SEZ6L: variants seen among roughly 807,000 people sequenced by gnomAD.
SEZ6L encodes seizure related 6 homolog like, also known as seizure 6-like protein.
In SEZ6L, 37 loss-of-function variants were observed where a neutral mutation model predicts 106.2. The observed-to-expected ratio is 0.35, with a 90% CI of 0.27 to 0.46. SEZ6L has a LOEUF of 0.46. SEZ6L is among the 20% of genes least tolerant of loss of function. The probability of loss-of-function intolerance (pLI) is 1.00; values close to 1 mark genes in which losing one functional copy is unlikely to be tolerated. For missense variants in SEZ6L, 1,172 were observed against 1,332.8 expected (o/e 0.88, Z 1.88); for synonymous variants, 541 against 570.4 (o/e 0.95, Z 0.73).
intron 5 of SEZ6L, 103 bp from the exon 6 acceptor site, chr22:26,305,876 A>C: frequency 8.8e-6 from 11 of 1,246,294 alleles, no homozygotes; most frequent in Non-Finnish European, 1.2e-5. Context: ...GGAGAATGAA[A>C]CACTCACTTC....
At chr22:26,369,357 T>TTTTTTTTTTTTTTTTTTTTAAG in intron 13 of SEZ6L, among the ~76,000 whole-genome samples, 1 of 130,514 alleles carries the variant, frequency 7.7e-6, no homozygotes, top group African/African-American at 2.9e-5. Flanking sequence ...TTTTTTTTTT[T>TTTTTTTTTTTTTTTTTTTTAAG]GAGACAGATT....
At position 26,351,138 on chromosome 22, in the gene SEZ6L, T is replaced by A; in HGVS notation, c.2494T>A (p.Tyr832Asn). The A allele has an allele frequency of 6.2e-7, 1 of 1,614,192 alleles. No homozygotes were observed. ...PVLLVGTTIQ[Y>N]TCNPGFVLEG... is the part of the protein sequence containing the mutation. ...GCTGCTGGTGGGGACCACCATCCAA[T>A]ACACCTGCAACCCCGGTTTTGTGCT... is the stretch of plus-strand genomic sequence containing the variant. The change falls in exon 12 of 17, where the codon TAC becomes AAC. Residue 832 changes from tyrosine (Y) to asparagine (N), a missense_variant. Physicochemically the swap from Tyr to Asn is moderately radical, Grantham distance 143. This residue lies in a region of SEZ6L where 534 missense variants were observed against 691.0 expected (regional missense o/e 0.77). Transcript: ENST00000248933.
At chr22:26,172,104 T>C (rs1028029205) in intron 1 of SEZ6L, among the ~76,000 whole-genome samples, 1 of 152,186 alleles carries the variant, frequency 6.6e-6, no homozygotes, top group South Asian at 2.1e-4. Flanking sequence ...TTGTCTCAGA[T>C]ATGCACATGG....
At chr22:26,243,133 GC>G (rs1326796927) in intron 1 of SEZ6L, among the ~76,000 whole-genome samples, 1 of 152,106 alleles carries the variant, frequency 6.6e-6, no homozygotes, top group Non-Finnish European at 1.5e-5. Context: ...TTGGATCAAG[GC>G]CCACTGTAAT....
chr22:26,353,131 C>T (rs1172737470), intron 12 of SEZ6L, among the ~76,000 whole-genome samples: 1 of 152,190 alleles, frequency 6.6e-6, no homozygotes, highest in African/African-American at 2.4e-5. Context: ...CCCTGTGTCT[C>T]CATCTGTCTT....
At position 26,169,983 on chromosome 22, in the gene SEZ6L, T is replaced by C. The variant is rs142226426; in HGVS notation, c.94+220T>C. 7.0e-3 allele frequency among the ~76,000 whole-genome samples: 1,059 copies of C among 152,226 alleles called. 14 individuals are homozygous for C. Among genetic ancestry groups the C allele is most frequent in the African/African-American group, 0.023 (969 of 41,564 alleles). On this transcript the variant is annotated intron_variant, in intron 1 of 16. Transcript: ENST00000248933. Reference sequence around the variant, plus strand: ...TTGAAGGACTCGGGCGCTTCCCTGCTTCGGCTGCGGGCTCCCTTTCGGTCT... The same window carrying C: ...TTGAAGGACTCGGGCGCTTCCCTGCCTCGGCTGCGGGCTCCCTTTCGGTCT...
chr22:26,312,360 T>C lies in SEZ6L; in HGVS notation c.1876+398T>C, dbSNP rs115271381. On this transcript the variant is annotated intron_variant, in intron 8 of 16. Coordinates refer to ENST00000248933, the MANE Select transcript of SEZ6L (RefSeq NM_021115.5). ...TATGCTACCAGCACTTTGCTAAGAG[T>C]GTGTGTGCATTATCTGATTTCAACC... 6.5e-3 allele frequency among the ~76,000 whole-genome samples: 993 copies of C among 152,218 alleles called. 9 individuals are homozygous for C. Among genetic ancestry groups the C allele is most frequent in the African/African-American group, 0.023 (957 of 41,500 alleles).
At chr22:26,170,359 T>C (rs1454516905) in intron 1 of SEZ6L, among the ~76,000 whole-genome samples, 1 of 152,064 alleles carries the variant, frequency 6.6e-6, no homozygotes. Flanking sequence ...TGGAGGGGGC[T>C]GAGGGCTCTG....
chr22:26,272,741 T>A (rs2080409515), intron 1 of SEZ6L, among the ~76,000 whole-genome samples: 1 of 152,228 alleles, frequency 6.6e-6, no homozygotes, highest in Non-Finnish European at 1.5e-5. Flanking sequence ...ATGAGTGAAT[T>A]CATTTTATTT....
chr22:26,246,968 G>C, intron 1 of SEZ6L, among the ~76,000 whole-genome samples: 1 of 152,024 alleles, frequency 6.6e-6, no homozygotes, highest in East Asian at 1.9e-4. Context: ...TTCTCACAGT[G>C]CTGAGTGCGA....
chr22:26,355,563 C>G (rs2083412914), intron 12 of SEZ6L, among the ~76,000 whole-genome samples: 1 of 152,136 alleles, frequency 6.6e-6, no homozygotes, highest in South Asian at 2.1e-4. Context: ...ACCCCCGTCT[C>G]TACTAAAAAT....
chr22:26,287,390 C>A (rs2080971587), intron 1 of SEZ6L, among the ~76,000 whole-genome samples: 1 of 151,978 alleles, frequency 6.6e-6, no homozygotes, highest in African/African-American at 2.4e-5. Flanking sequence ...AAGTGAACAC[C>A]CAACACTTTG....
At chr22:26,307,318 G>A (rs1251002445) in intron 6 of SEZ6L, among the ~76,000 whole-genome samples, 1 of 152,168 alleles carries the variant, frequency 6.6e-6, no homozygotes, top group Non-Finnish European at 1.5e-5. Context: ...TGACTGCTGA[G>A]GGGTAGGAGA....
rs1277180488 is a variant in SEZ6L, at chr22:26,375,643, C to T, written c.2896C>T (p.Leu966Phe). Residue 966 changes from leucine to phenylalanine, a missense_variant, in exon 15 of 17, where the codon CTC becomes TTC. Coordinates refer to ENST00000248933, the MANE Select transcript of SEZ6L (RefSeq NM_021115.5). Reference sequence around the variant, plus strand: ...GGCCCTGGCTATCTTCATCCCGGTCCTCATCATCTCCTTACTGCTGGGAGG... The same window carrying T: ...GGCCCTGGCTATCTTCATCCCGGTCTTCATCATCTCCTTACTGCTGGGAGG... Reference protein sequence around the residue: ...NMALAIFIPVLIISLLLGGAY... With the variant: ...NMALAIFIPVFIISLLLGGAY... 6.2e-7 allele frequency: 1 copy of T among 1,614,154 alleles called. No homozygotes were observed. The highest frequency in any genetic ancestry group is 8.5e-7 in the Non-Finnish European group (1 of 1,180,022).
chr22:26,366,069 C>T (rs568142701), intron 13 of SEZ6L, among the ~76,000 whole-genome samples: 31 of 152,266 alleles, frequency 2.0e-4, no homozygotes, highest in African/African-American at 7.0e-4. Flanking sequence ...CAGTAGCTCA[C>T]GCCTGTAATC....
intron 9 of SEZ6L, among the ~76,000 whole-genome samples, chr22:26,322,977 G>C (rs999309917): frequency 6.6e-6 from 1 of 152,176 alleles, no homozygotes; most frequent in African/African-American, 2.4e-5. Context: ...TTACGGAAAG[G>C]AGAATAAGGG....
At chr22:26,278,192 C>T (rs1161284475) in intron 1 of SEZ6L, among the ~76,000 whole-genome samples, 1 of 152,108 alleles carries the variant, frequency 6.6e-6, no homozygotes, top group Admixed American at 6.5e-5. Flanking sequence ...GCTGCGGAGG[C>T]CAGCAAGGAG....
intron 1 of SEZ6L, among the ~76,000 whole-genome samples, chr22:26,206,788 A>G (rs767156395): frequency 6.6e-6 from 1 of 152,226 alleles, no homozygotes; most frequent in Non-Finnish European, 1.5e-5. Context: ...ACTTGTTTTA[A>G]ATTAAATTAT....
At chr22:26,219,004 C>G (rs1283093542) in intron 1 of SEZ6L, among the ~76,000 whole-genome samples, 1 of 152,086 alleles carries the variant, frequency 6.6e-6, no homozygotes, top group East Asian at 1.9e-4. Context: ...AGCACCTGGT[C>G]CCCCTGAAGA....
Sources: allele counts gnomAD v4.1 joint callset (sites outside exome capture counted in the v4.1 genomes callset), GRCh38; gene constraint gnomAD v4.1.1; regional missense constraint gnomAD v4.1.1; transcripts MANE v1.5; gene names NCBI Gene and HGNC (gene_info 2026-07-23, HGNC 2026-07-21).